SLC16A12: variants seen among roughly 807,000 people sequenced by gnomAD.
SLC16A12 encodes monocarboxylate transporter 12.
In SLC16A12, 17 loss-of-function variants were observed where a neutral mutation model predicts 42.4. The ratio of observed to expected loss-of-function variants is 0.40; its 90% confidence interval spans 0.27 to 0.60. The LOEUF is 0.60. Ranked by LOEUF, SLC16A12 falls within the 20% of genes least tolerant of loss-of-function variation. The pLI, the probability that SLC16A12 is intolerant of heterozygous loss-of-function variation, is 0.42. For synonymous variants in SLC16A12, 224 were observed against 229.4 expected, an observed-to-expected ratio of 0.98 and a Z score of 0.21; for missense variants, 544 against 623.0, an observed-to-expected ratio of 0.87 and a Z score of 1.35.
At position 89,490,639 on chromosome 10, in the gene SLC16A12, A is replaced by G. The variant is rs145746978; in HGVS notation, c.-46-28015T>C. 1.2e-3 allele frequency among the ~76,000 whole-genome samples: 182 copies of G among 152,332 alleles called. 2 individuals carry two copies. Among genetic ancestry groups the G allele is most frequent in the African/African-American group, 4.0e-3 (166 of 41,588 alleles). On this transcript the variant is annotated intron_variant, in intron 2 of 7. Coordinates refer to ENST00000371790, the MANE Select transcript of SLC16A12 (RefSeq NM_213606.4). ...CCGGGATTGGGAACGCAGAGCTTCT[A>G]TGCATCCCACCCTCCTAGCAACTCC...
chr10:89,516,852 C>A (rs1482389289), intron 2 of SLC16A12, among the ~76,000 whole-genome samples: 4 of 152,166 alleles, frequency 2.6e-5, no homozygotes, highest in South Asian at 2.1e-4. Flanking sequence ...CCATAGTAAG[C>A]AATTGATTCT....
At chr10:89,505,850 C>G (rs1235239422) in intron 2 of SLC16A12, among the ~76,000 whole-genome samples, 2 of 152,200 alleles carry the variant, frequency 1.3e-5, no homozygotes. Flanking sequence ...ATTCTCGTGG[C>G]TAGCGCAGCA....
intron 2 of SLC16A12, 132 bp from the exon 3 acceptor site, chr10:89,462,756 G>T (rs1842323336): frequency 1.0e-6 from 1 of 1,001,142 alleles, no homozygotes; most frequent in Non-Finnish European, 1.4e-6. Context: ...ACTAGACTGG[G>T]GCAGACTATT....
intron 2 of SLC16A12, among the ~76,000 whole-genome samples, chr10:89,525,719 C>T (rs1843440763): frequency 6.6e-6 from 1 of 152,038 alleles, no homozygotes; most frequent in Admixed American, 6.6e-5. Context: ...ACTAAATTTA[C>T]CAAAGAGCCG....
intron 2 of SLC16A12, among the ~76,000 whole-genome samples, chr10:89,466,393 C>A (rs765646755): frequency 1.3e-4 from 20 of 152,122 alleles, no homozygotes; most frequent in Non-Finnish European, 2.1e-4. Flanking sequence ...CCTAGTGGGA[C>A]AGGCACAGTT....
At chr10:89,499,782 A>G (rs1842969093) in intron 2 of SLC16A12, among the ~76,000 whole-genome samples, 1 of 152,136 alleles carries the variant, frequency 6.6e-6, no homozygotes, top group South Asian at 2.1e-4. Flanking sequence ...CCAGCAGAAG[A>G]AAGGAAATAA....
chr10:89,525,423 C>A (rs565980952), intron 2 of SLC16A12, among the ~76,000 whole-genome samples: 1 of 152,124 alleles, frequency 6.6e-6, no homozygotes, highest in South Asian at 2.1e-4. Flanking sequence ...GTAATAAAAT[C>A]AGAATATATG....
intron 2 of SLC16A12, among the ~76,000 whole-genome samples, chr10:89,523,765 C>T (rs868600317): frequency 6.6e-6 from 1 of 152,226 alleles, no homozygotes; most frequent in Non-Finnish European, 1.5e-5. Flanking sequence ...TGCAGACACA[C>T]TACACAGGCA....
chr10:89,497,980 C>G (rs1249778023), intron 2 of SLC16A12, among the ~76,000 whole-genome samples: 3 of 152,064 alleles, frequency 2.0e-5, no homozygotes, highest in Non-Finnish European at 4.4e-5. Context: ...GAAAACTTAA[C>G]AAGAAACAAT....
At chr10:89,508,428 C>A (rs941000298) in intron 2 of SLC16A12, among the ~76,000 whole-genome samples, 1 of 152,184 alleles carries the variant, frequency 6.6e-6, no homozygotes, top group African/African-American at 2.4e-5. Flanking sequence ...GAAACTCACT[C>A]AAAACTGCAC....
At chr10:89,447,253 A>T (rs1842019318) in intron 3 of SLC16A12, among the ~76,000 whole-genome samples, 1 of 152,182 alleles carries the variant, frequency 6.6e-6, no homozygotes, top group Admixed American at 6.5e-5. Context: ...TGCACCAAGC[A>T]GACCTAACAG....
chr10:89,470,658 TACA>T (rs941131239), intron 2 of SLC16A12, among the ~76,000 whole-genome samples: 25 of 152,192 alleles, frequency 1.6e-4, no homozygotes, highest in African/African-American at 3.4e-4. Flanking sequence ...CCTTAAGAAC[TACA>T]ACAAGAAAGG....
At position 89,433,100 on chromosome 10, in the gene SLC16A12, A is replaced by G. The variant is rs1841718008; in HGVS notation, c.1515T>C (p.Pro505=). Residue 505 remains proline, a synonymous_variant, in exon 8 of 8, where the codon CCT becomes CCC. Coordinates refer to ENST00000371790, the MANE Select transcript of SLC16A12 (RefSeq NM_213606.4). ...TGTAGCCAGGCACTGCTGTAGCCAC[A>G]GGCTCCCCATGTTTCTGATCTAATT... The part of the protein sequence containing the change: ...ARELDQKHGE[P]VATAVPGYSL... 1.2e-5 allele frequency: 20 copies of G among 1,614,098 alleles called. No homozygotes were observed. Among genetic ancestry groups the G allele is most frequent in the Non-Finnish European group, 1.7e-5 (20 of 1,180,038 alleles).
At chr10:89,529,011 C>A (rs1843499327) in intron 2 of SLC16A12, among the ~76,000 whole-genome samples, 1 of 152,166 alleles carries the variant, frequency 6.6e-6, no homozygotes, top group African/African-American at 2.4e-5. Flanking sequence ...CTATTCATAA[C>A]TATTTAATAA....
At chr10:89,462,679 T>C (rs1297617505) in intron 2 of SLC16A12, 55 bp from the exon 3 acceptor site, 30 of 1,471,750 alleles carry the variant, frequency 2.0e-5, no homozygotes, top group African/African-American at 2.9e-5. Context: ...CAAAGGTTGA[T>C]TTTTCTTCAC....
chr10:89,507,608 C>G (rs149170983), intron 2 of SLC16A12, among the ~76,000 whole-genome samples: 67 of 152,352 alleles, frequency 4.4e-4, no homozygotes, highest in Non-Finnish European at 9.1e-4. Flanking sequence ...CAACCGGCAT[C>G]AGCCACTGCA....
At chr10:89,499,209 A>G (rs1206697838) in intron 2 of SLC16A12, among the ~76,000 whole-genome samples, 1 of 152,176 alleles carries the variant, frequency 6.6e-6, no homozygotes, top group Non-Finnish European at 1.5e-5. Flanking sequence ...ACAAAGCCCA[A>G]TTTAAGGAAA....
At chr10:89,535,845 C>T (rs1843650241), upstream of SLC16A12, among the ~76,000 whole-genome samples, 1 of 146,904 alleles carries the variant, frequency 6.8e-6, no homozygotes, top group Admixed American at 6.6e-5. Flanking sequence ...GCCGGCGAGG[C>T]TGGGGCCGGG....
chr10:89,551,008 G>T (rs1393985363), intron 2 of SLC16A12, among the ~76,000 whole-genome samples: 2 of 152,222 alleles, frequency 1.3e-5, no homozygotes, highest in East Asian at 3.8e-4. Flanking sequence ...TTGGAGGAAT[G>T]AATAAAAGGA....
Sources: gnomAD v4.1 joint callset for allele counts (sites outside exome capture counted in the v4.1 genomes callset) on GRCh38, gnomAD v4.1.1 for gene constraint, MANE v1.5 for transcripts, NCBI Gene and HGNC (gene_info 2026-07-23, HGNC 2026-07-21) for gene names.